ARHGAP32: variants seen among roughly 807,000 people sequenced by gnomAD.
ARHGAP32 encodes the protein Rho GTPase activating protein 32.
In ARHGAP32, 51 loss-of-function variants were observed where a neutral mutation model predicts 186.5. That is an observed-to-expected ratio of 0.27 (90% CI 0.22 to 0.35). The LOEUF (loss-of-function observed/expected upper bound fraction) is 0.35. Ranked by LOEUF, ARHGAP32 falls within the 10% of genes least tolerant of loss-of-function variation. The probability of loss-of-function intolerance (pLI) is 1.00; values close to 1 mark genes in which losing one functional copy is unlikely to be tolerated. For missense variants in ARHGAP32, 2,186 were observed against 2,623.5 expected (o/e 0.83, Z 3.64); for synonymous variants, 950 against 964.3 (o/e 0.99, Z 0.27).
chr11:129,222,849 A>G (rs931353036), intron 1 of ARHGAP32, among the ~76,000 whole-genome samples: 1 of 152,174 alleles, frequency 6.6e-6, no homozygotes, highest in African/African-American at 2.4e-5. Context: ...CTGACTGAGT[A>G]TGGCTGGAGT....
intron 12 of ARHGAP32, among the ~76,000 whole-genome samples, chr11:128,989,716 C>G (rs1377147302): frequency 1.3e-5 from 2 of 152,004 alleles, no homozygotes; most frequent in South Asian, 4.2e-4. Context: ...CCCTAGCCCC[C>G]CAACCCCCCG....
intron 1 of ARHGAP32, among the ~76,000 whole-genome samples, chr11:129,266,102 A>G (rs1272109406): frequency 6.6e-6 from 1 of 152,206 alleles, no homozygotes; most frequent in African/African-American, 2.4e-5. Flanking sequence ...CAAGCCCTAG[A>G]TGAATAAGAG....
At chr11:129,005,839 C>G (rs1261235369) in intron 11 of ARHGAP32, among the ~76,000 whole-genome samples, 1 of 152,112 alleles carries the variant, frequency 6.6e-6, no homozygotes, top group Non-Finnish European at 1.5e-5. Flanking sequence ...CTTTCTACCC[C>G]TATCTCTTTC....
At chr11:129,077,905 C>G (rs541817514) in intron 6 of ARHGAP32, among the ~76,000 whole-genome samples, 1 of 152,314 alleles carries the variant, frequency 6.6e-6, no homozygotes, top group African/African-American at 2.4e-5. Flanking sequence ...TAAAAAACTG[C>G]TCTAAGAAAG....
chr11:129,075,934 A>T (rs1377953144), intron 6 of ARHGAP32, among the ~76,000 whole-genome samples: 7 of 152,308 alleles, frequency 4.6e-5, no homozygotes, highest in Non-Finnish European at 8.8e-5. Flanking sequence ...AGGATGAGAC[A>T]GGTCGGTACA....
chr11:129,133,200 A>C (rs896997261), intron 2 of ARHGAP32, among the ~76,000 whole-genome samples: 1 of 152,176 alleles, frequency 6.6e-6, no homozygotes, highest in African/African-American at 2.4e-5. Flanking sequence ...ACAGACAAAA[A>C]ATCATGCAAT....
At chr11:129,130,925 G>A (rs1223127844) in intron 2 of ARHGAP32, among the ~76,000 whole-genome samples, 1 of 151,888 alleles carries the variant, frequency 6.6e-6, no homozygotes, top group Non-Finnish European at 1.5e-5. Context: ...ACTAAAAATA[G>A]AAACATTACA....
At chr11:129,130,445 T>G (rs1490180412) in intron 2 of ARHGAP32, among the ~76,000 whole-genome samples, 1 of 151,642 alleles carries the variant, frequency 6.6e-6, no homozygotes, top group East Asian at 1.9e-4. Context: ...CAAAAAAAAT[T>G]AATACATTCA....
chr11:129,108,923 A>T, intron 5 of ARHGAP32, among the ~76,000 whole-genome samples: 1 of 152,186 alleles, frequency 6.6e-6, no homozygotes, highest in East Asian at 1.9e-4. Flanking sequence ...TACTGGAAAC[A>T]TTTCAAGATC....
At chr11:129,051,713 T>C (rs1231660826) in intron 10 of ARHGAP32, among the ~76,000 whole-genome samples, 1 of 152,098 alleles carries the variant, frequency 6.6e-6, no homozygotes, top group Non-Finnish European at 1.5e-5. Flanking sequence ...TCCCAGCACT[T>C]TGGGAGGCTG....
chr11:129,032,066 C>T (rs1228276458), intron 11 of ARHGAP32, among the ~76,000 whole-genome samples: 1 of 152,178 alleles, frequency 6.6e-6, no homozygotes, highest in Non-Finnish European at 1.5e-5. Context: ...ACATTCACCA[C>T]CCTTCAATTC....
chr11:128,988,209 AC>A, intron 12 of ARHGAP32, 84 bp from the exon 13 acceptor site: 1 of 991,662 alleles, frequency 1.0e-6, no homozygotes, highest in Non-Finnish European at 1.5e-6. Context: ...GTCTTAGTTT[AC>A]AAAAGTAAAA....
chr11:129,011,027 G>A (rs2076427662), intron 11 of ARHGAP32, among the ~76,000 whole-genome samples: 2 of 152,142 alleles, frequency 1.3e-5, no homozygotes, highest in African/African-American at 4.8e-5. Context: ...CCATAACCTA[G>A]GAACTGCTCT....
chr11:128,976,441 T>C (rs1945543551), intron 20 of ARHGAP32, 122 bp downstream of exon 20: 1 of 744,742 alleles, frequency 1.3e-6, no homozygotes, highest in Non-Finnish European at 2.3e-6. Context: ...TAGACACTAG[T>C]ATTCCTAGGA....
intron 1 of ARHGAP32, among the ~76,000 whole-genome samples, chr11:129,237,535 C>T (rs1196342113): frequency 6.6e-6 from 1 of 152,168 alleles, no homozygotes; most frequent in Non-Finnish European, 1.5e-5. Flanking sequence ...TTAGATAAGG[C>T]TTTCAGAGAA....
chr11:128,984,201 C>G (rs1945796747), intron 15 of ARHGAP32, among the ~76,000 whole-genome samples: 1 of 151,934 alleles, frequency 6.6e-6, no homozygotes, highest in Admixed American at 6.6e-5. Context: ...TGGCAAAACC[C>G]CAACTCTACC....
At chr11:129,088,164 T>C (rs538736656) in intron 6 of ARHGAP32, among the ~76,000 whole-genome samples, 127 of 152,332 alleles carry the variant, frequency 8.3e-4, no homozygotes, top group South Asian at 1.9e-3. Context: ...TAACACATAA[T>C]TTGCAAATCA....
At chr11:129,071,803 G>T (rs1344699575) in intron 6 of ARHGAP32, among the ~76,000 whole-genome samples, 1 of 152,128 alleles carries the variant, frequency 6.6e-6, no homozygotes, top group Non-Finnish European at 1.5e-5. Context: ...CCAAGTTATG[G>T]AATCAACTTA....
chr11:129,014,885 TCA>T (rs1938256877), intron 11 of ARHGAP32, among the ~76,000 whole-genome samples: 1 of 151,954 alleles, frequency 6.6e-6, no homozygotes, highest in South Asian at 2.1e-4. Context: ...TCTATCATTC[TCA>T]GTCTCTGTTG....
Sources: gnomAD v4.1 joint callset for allele counts (sites outside exome capture counted in the v4.1 genomes callset) on GRCh38, gnomAD v4.1.1 for gene constraint, MANE v1.5 for transcripts, NCBI Gene and HGNC (gene_info 2026-07-23, HGNC 2026-07-21) for gene names.